GPLD1: variants seen among roughly 807,000 people sequenced by gnomAD.
GPLD1 encodes phosphatidylinositol-glycan-specific phospholipase D.
GPLD1 carries 84 observed loss-of-function variants against 112.6 expected under a neutral mutation model. The observed-to-expected ratio is 0.75, with a 90% CI of 0.63 to 0.89. The LOEUF (loss-of-function observed/expected upper bound fraction) is 0.89. Ranked by LOEUF, GPLD1 falls within the 40% of genes least tolerant of loss-of-function variation. The probability of loss-of-function intolerance (pLI) is 0.00; values close to 1 mark genes in which losing one functional copy is unlikely to be tolerated. For synonymous variants in GPLD1, 386 were observed against 403.8 expected (o/e 0.96, Z 0.53); for missense variants, 1,044 against 1,051.5 (o/e 0.99, Z 0.10).
intron 20 of GPLD1, among the ~76,000 whole-genome samples, 157 bp from the exon 21 acceptor site, chr6:24,437,446 G>A (rs1274735930): frequency 2.6e-5 from 4 of 152,224 alleles, no homozygotes; most frequent in African/African-American, 7.2e-5. Flanking sequence ...GGTACAACCA[G>A]CTTGGGCACC....
At chr6:24,438,543 T>C (rs1762649727) in intron 20 of GPLD1, among the ~76,000 whole-genome samples, 2 of 152,294 alleles carry the variant, frequency 1.3e-5, no homozygotes, top group Non-Finnish European at 1.5e-5. Flanking sequence ...AACTGTCCAC[T>C]AGAAGCCACT....
Position 24,477,891 on chromosome 6 carries a change from TG to T in GPLD1, c.233-1614del, listed in dbSNP as rs1353146449. On this transcript the variant is annotated intron_variant, in intron 3 of 24. Coordinates refer to ENST00000230036, the MANE Select transcript of GPLD1 (RefSeq NM_001503.4). ...TAGGTATGTATGAGACAAGGTAAAA[TG>T]TGGAAAAATGCAAAAAAACCTAAGT... Among the ~76,000 whole-genome samples the T allele has an allele frequency of 1.3e-4, 20 of 152,228 alleles. No individual in the cohort carries two copies. The East Asian group carries it at 3.7e-3, about 28-fold the overall frequency.
chr6:24,480,911 TAGC>T (rs906198052), intron 2 of GPLD1, among the ~76,000 whole-genome samples: 3 of 152,160 alleles, frequency 2.0e-5, no homozygotes, highest in African/African-American at 7.2e-5. Context: ...ACAGCAGAGG[TAGC>T]ACAGCCCCTC....
At chr6:24,466,970 G>A in intron 8 of GPLD1, 31 bp from the exon 9 acceptor site, 1 of 1,585,870 alleles carries the variant, frequency 6.3e-7, no homozygotes, top group African/African-American at 1.3e-5. Flanking sequence ...TTGGCTGTGA[G>A]TTGCAGTTTG....
chr6:24,446,828 T>A lies in GPLD1; in HGVS notation c.1820+10A>T, dbSNP rs1476780556. 1.9e-6 allele frequency: 3 copies of A among 1,612,314 alleles called. No homozygotes were observed. The highest frequency in any genetic ancestry group is 2.5e-6 in the Non-Finnish European group (3 of 1,179,248). ...TGTTCATGGTTCCCAGCCCCCAGCA[T>A]CAGCCTCACCTGCTGGCATTCTTCC... On this transcript the variant is annotated intron_variant, in intron 18 of 24. Transcript: ENST00000230036.
intron 18 of GPLD1, 125 bp from the exon 19 acceptor site, chr6:24,445,956 G>C: frequency 3.0e-6 from 2 of 676,164 alleles, no homozygotes; most frequent in East Asian, 5.3e-5. Flanking sequence ...CTGTCTCTGC[G>C]ACCCCAGGCC....
chr6:24,468,333 C>G (rs1454584043), intron 7 of GPLD1, among the ~76,000 whole-genome samples: 2 of 152,198 alleles, frequency 1.3e-5, no homozygotes, highest in Non-Finnish European at 2.9e-5. Flanking sequence ...CCTCTGCTCA[C>G]CTGAGACAAA....
chr6:24,436,702 T>C lies in GPLD1; in HGVS notation c.2232A>G (p.Ala744=). 6.2e-7 allele frequency: 1 copy of C among 1,614,054 alleles called. No homozygotes were observed. The highest frequency in any genetic ancestry group is 8.5e-7 in the Non-Finnish European group (1 of 1,179,972). Residue 744 remains alanine (A), a synonymous_variant, in exon 22 of 25, where the codon GCA becomes GCG. Coordinates refer to ENST00000230036, the MANE Select transcript of GPLD1 (RefSeq NM_001503.4). ...EIIMAAPLRI[A]DVTSGLIGGE... is the part of the protein sequence containing the mutation. Reference sequence around the variant, plus strand: ...CCCCAATCAGTCCAGAGGTTACATCTGCTATCCTCAGGGGGGCTGCCATGA... The same window carrying C: ...CCCCAATCAGTCCAGAGGTTACATCCGCTATCCTCAGGGGGGCTGCCATGA...
chr6:24,438,220 T>C (rs1762640903), intron 20 of GPLD1, among the ~76,000 whole-genome samples: 1 of 152,262 alleles, frequency 6.6e-6, no homozygotes, highest in African/African-American at 2.4e-5. Context: ...CTATCCACTG[T>C]ACCTAGCATG....
intron 1 of GPLD1, chr6:24,494,815 G>A: frequency 1.6e-6 from 1 of 644,898 alleles, no homozygotes; most frequent in East Asian, 3.6e-5. Context: ...GCGGCGCGGC[G>A]GTGCAGCGAG....
At chr6:24,468,316 TATC>T (rs1013238100) in intron 7 of GPLD1, among the ~76,000 whole-genome samples, 1 of 152,186 alleles carries the variant, frequency 6.6e-6, no homozygotes, top group African/African-American at 2.4e-5. Flanking sequence ...AGAACTCAAA[TATC>T]ATCCCTCTGC....
chr6:24,432,858 G>A (rs1762451221), intron 24 of GPLD1, among the ~76,000 whole-genome samples: 1 of 152,180 alleles, frequency 6.6e-6, no homozygotes, highest in Non-Finnish European at 1.5e-5. Context: ...AAACTGCACT[G>A]CCGTTTAAAC....
intron 10 of GPLD1, among the ~76,000 whole-genome samples, chr6:24,464,124 G>A (rs1209581890): frequency 6.6e-6 from 1 of 152,152 alleles, no homozygotes; most frequent in African/African-American, 2.4e-5. Flanking sequence ...TATGTTATGA[G>A]TCCTTCCAAT....
At chr6:24,447,120 C>G (rs1762935485) in intron 17 of GPLD1, 141 bp from the exon 18 acceptor site, 3 of 634,962 alleles carry the variant, frequency 4.7e-6, no homozygotes, top group Non-Finnish European at 8.2e-6. Flanking sequence ...TGTCCCCATG[C>G]TGATCCCAGG....
intron 10 of GPLD1, among the ~76,000 whole-genome samples, chr6:24,465,266 A>G (rs1763568078): frequency 6.6e-6 from 1 of 151,622 alleles, no homozygotes; most frequent in Admixed American, 6.6e-5. Context: ...CCGGCCACGC[A>G]TGGTGGCTCA....
At chr6:24,447,537 TAACAAC>T (rs369286624) in intron 17 of GPLD1, among the ~76,000 whole-genome samples, 5 of 151,242 alleles carry the variant, frequency 3.3e-5, no homozygotes, top group Non-Finnish European at 5.9e-5. Context: ...AAAACAACAA[TAACAAC>T]AACAACAACA....
intron 20 of GPLD1, among the ~76,000 whole-genome samples, chr6:24,443,490 A>C (rs927854748): frequency 2.0e-5 from 3 of 152,148 alleles, no homozygotes; most frequent in Admixed American, 1.3e-4. Context: ...TTCTGCATTT[A>C]TGAGAAACAG....
chr6:24,446,868 A>T lies in GPLD1; in HGVS notation c.1790T>A (p.Val597Asp). The change falls in exon 18 of 25, where the codon GTT (valine) becomes GAT (aspartate). Residue 597 changes from valine (V) to aspartate (D), a missense_variant. Transcript: ENST00000230036. ...VTVDNRTLLL[V>D]GSPTWKNASR... is the part of the protein sequence containing the mutation. ...GGCATTCTTCCAGGTCGGGCTCCCA[A>T]CCAACAGCAAGGTTCTGTTGTCCAC... 6.2e-7 allele frequency: 1 copy of T among 1,613,906 alleles called. No homozygotes were observed.
At chr6:24,446,244 G>A (rs1252295229) in intron 18 of GPLD1, among the ~76,000 whole-genome samples, 1 of 152,048 alleles carries the variant, frequency 6.6e-6, no homozygotes, top group African/African-American at 2.4e-5. Flanking sequence ...CAATAGGACT[G>A]GTGTCTTTCA....
Sources: gnomAD v4.1 joint callset for allele counts (sites outside exome capture counted in the v4.1 genomes callset) on GRCh38, gnomAD v4.1.1 for gene constraint, MANE v1.5 for transcripts, NCBI Gene and HGNC (gene_info 2026-07-23, HGNC 2026-07-21) for gene names.